Variants in CBFA2T2 observed in about 807,000 individuals in gnomAD.
The protein encoded by CBFA2T2 is protein CBFA2T2.
In CBFA2T2, 11 loss-of-function variants were observed where a neutral mutation model predicts 62.2. That is an observed-to-expected ratio of 0.18 (90% CI 0.11 to 0.29). The LOEUF is 0.29. Among genes scored for constraint, CBFA2T2 ranks in the 10% least tolerant of loss-of-function variants. The pLI is 1.00. For synonymous variants in CBFA2T2, 295 were observed against 287.5 expected (o/e 1.03, Z -0.27); for missense variants, 592 against 774.1 (o/e 0.76, Z 2.79).
chr20:33,537,380 G>A (rs988906080), intron 1 of CBFA2T2, among the ~76,000 whole-genome samples: 35 of 152,212 alleles, frequency 2.3e-4, no homozygotes, highest in East Asian at 7.7e-4. Flanking sequence ...GCAGGCACTC[G>A]GCAGGCTGAG....
intron 4 of CBFA2T2, among the ~76,000 whole-genome samples, chr20:33,620,514 T>G (rs1005811503): frequency 7.0e-6 from 1 of 142,294 alleles, no homozygotes; most frequent in Non-Finnish European, 1.5e-5. Context: ...AAAAATAAAA[T>G]AAAATAAAGA....
intron 10 of CBFA2T2, among the ~76,000 whole-genome samples, chr20:33,643,904 T>G (rs1160006313): frequency 6.9e-6 from 1 of 145,638 alleles, no homozygotes; most frequent in Non-Finnish European, 1.5e-5. Context: ...TGGTGGCACA[T>G]GCAGAAAGGA....
At chr20:33,600,182 G>GTTTTTTTTTTTTTTTTTTTTTTTTTTTTT (rs1183371343) in intron 1 of CBFA2T2, among the ~76,000 whole-genome samples, 1 of 62,048 alleles carries the variant, frequency 1.6e-5, no homozygotes, top group Non-Finnish European at 3.1e-5. Context: ...CTTTTGGAAA[G>GTTTTTTTTTTTTTTTTTTTTTTTTTTTTT]TTTTTTTTTT....
At chr20:33,490,873 A>C (rs1214745879) in intron 1 of CBFA2T2, among the ~76,000 whole-genome samples, 1 of 152,218 alleles carries the variant, frequency 6.6e-6, no homozygotes, top group Admixed American at 6.6e-5. Context: ...TGAGGCCAGT[A>C]AAACGCTTGA....
At chr20:33,492,564 G>T (rs2011155795) in intron 1 of CBFA2T2, among the ~76,000 whole-genome samples, 1 of 151,912 alleles carries the variant, frequency 6.6e-6, no homozygotes, top group South Asian at 2.1e-4. Flanking sequence ...ACCCAGACTG[G>T]AGTGCAGTGG....
At chr20:33,617,284 G>C (rs1470895904) in intron 3 of CBFA2T2, among the ~76,000 whole-genome samples, 2 of 152,130 alleles carry the variant, frequency 1.3e-5, no homozygotes, top group Non-Finnish European at 2.9e-5. Context: ...AGTCAGTAGT[G>C]TCCTGTACAT....
chr20:33,611,037 A>AC, intron 2 of CBFA2T2, 57 bp from the exon 3 acceptor site: 2 of 1,596,376 alleles, frequency 1.3e-6, no homozygotes, highest in Non-Finnish European at 1.7e-6. Flanking sequence ...GAAAAAATGA[A>AC]CAAAGGTTCC....
intron 1 of CBFA2T2, among the ~76,000 whole-genome samples, chr20:33,515,330 G>A: frequency 2.1e-5 from 2 of 97,560 alleles, no homozygotes; most frequent in African/African-American, 8.1e-5. Flanking sequence ...CAGCCTGGGT[G>A]ACAAAGCAAG....
At chr20:33,496,257 A>G (rs982718047) in intron 1 of CBFA2T2, among the ~76,000 whole-genome samples, 10 of 152,200 alleles carry the variant, frequency 6.6e-5, no homozygotes, top group African/African-American at 2.4e-4. Flanking sequence ...CTGGACCTAC[A>G]GGGAACCTGA....
intron 1 of CBFA2T2, among the ~76,000 whole-genome samples, chr20:33,496,420 T>C (rs1221721357): frequency 6.6e-6 from 1 of 152,254 alleles, no homozygotes; most frequent in Admixed American, 6.5e-5. Flanking sequence ...TTCTTAGTTA[T>C]CTAAGAATAT....
At chr20:33,530,566 C>A (rs189102859) in intron 1 of CBFA2T2, among the ~76,000 whole-genome samples, 3 of 151,954 alleles carry the variant, frequency 2.0e-5, no homozygotes, top group African/African-American at 4.8e-5. Flanking sequence ...TACAGCCATG[C>A]GCAGCCACAC....
intron 1 of CBFA2T2, among the ~76,000 whole-genome samples, chr20:33,519,078 G>T (rs2011659628): frequency 6.6e-6 from 1 of 152,104 alleles, no homozygotes; most frequent in Non-Finnish European, 1.5e-5. Context: ...ATTAAATAAT[G>T]ATTAAGGAAA....
At chr20:33,602,235 A>G (rs750481213) in intron 1 of CBFA2T2, among the ~76,000 whole-genome samples, 1 of 152,078 alleles carries the variant, frequency 6.6e-6, no homozygotes, top group Non-Finnish European at 1.5e-5. Flanking sequence ...ATCCCCAGGG[A>G]CAGATAAAGA....
chr20:33,514,803 TC>T (rs1235223505), intron 1 of CBFA2T2, among the ~76,000 whole-genome samples: 1 of 151,872 alleles, frequency 6.6e-6, no homozygotes, highest in Non-Finnish European at 1.5e-5. Context: ...TTCAAGTGAT[TC>T]TCCTGCCTCG....
intron 1 of CBFA2T2, among the ~76,000 whole-genome samples, chr20:33,590,482 T>C (rs1324613387): frequency 1.3e-5 from 2 of 152,162 alleles, no homozygotes; most frequent in African/African-American, 4.8e-5. Flanking sequence ...ATATACTTCT[T>C]CTTTGATTGG....
At chr20:33,596,272 C>T (rs913252129) in intron 1 of CBFA2T2, among the ~76,000 whole-genome samples, 6 of 152,162 alleles carry the variant, frequency 3.9e-5, no homozygotes, top group African/African-American at 1.4e-4. Context: ...TGTGTGCAGT[C>T]TCTTAAATGT....
intron 1 of CBFA2T2, among the ~76,000 whole-genome samples, chr20:33,536,379 C>T (rs750316408): frequency 7.3e-4 from 108 of 148,516 alleles, no homozygotes; most frequent in Non-Finnish European, 1.4e-3. Context: ...GGCGGCCGGG[C>T]AGAGGCGCCC....
intron 1 of CBFA2T2, among the ~76,000 whole-genome samples, chr20:33,492,145 G>A (rs1196974874): frequency 6.6e-6 from 1 of 151,982 alleles, no homozygotes; most frequent in Non-Finnish European, 1.5e-5. Flanking sequence ...GCCTCTCAAA[G>A]TGCTGGGATT....
At chr20:33,640,193 G>A in intron 9 of CBFA2T2, 148 bp from the exon 10 acceptor site, 1 of 755,626 alleles carries the variant, frequency 1.3e-6, no homozygotes, top group Non-Finnish European at 2.1e-6. Flanking sequence ...CTGCATGGAT[G>A]GACACATGAG....
Sources: gnomAD v4.1 joint callset for allele counts (sites outside exome capture counted in the v4.1 genomes callset) on GRCh38, gnomAD v4.1.1 for gene constraint, MANE v1.5 for transcripts, NCBI Gene and HGNC (gene_info 2026-07-23, HGNC 2026-07-21) for gene names.